SLC12A6: variants seen among roughly 807,000 people sequenced by gnomAD.
The protein encoded by SLC12A6 is solute carrier family 12 member 6, also known as K-Cl cotransporter 3.
SLC12A6 carries 66 observed loss-of-function variants against 135.3 expected under a neutral mutation model. The observed-to-expected ratio is 0.49, with a 90% CI of 0.40 to 0.60. The LOEUF (loss-of-function observed/expected upper bound fraction) is 0.60. Among genes scored for constraint, SLC12A6 ranks in the 20% least tolerant of loss-of-function variants. The pLI, the probability that SLC12A6 is intolerant of heterozygous loss-of-function variation, is 0.00. For synonymous variants in SLC12A6, 513 were observed against 508.8 expected (o/e 1.01, Z -0.11); for missense variants, 1,058 against 1,452.3 (o/e 0.73, Z 4.41).
chr15:34,230,209 T>C lies in SLC12A6; in HGVS notation c.*3672A>G, dbSNP rs182573709. The C allele has an allele frequency of 6.7e-3, 1,157 of 173,460 alleles. 5 individuals carry two copies. Among genetic ancestry groups the C allele is most frequent in the Non-Finnish European group, 9.8e-3 (802 of 82,242 alleles). 10.7% of individuals were successfully genotyped at this position (173,460 alleles called of 1,614,324 possible). On this transcript the variant is annotated 3_prime_UTR_variant, in exon 26 of 26. Coordinates refer to ENST00000354181, the MANE Select transcript of SLC12A6 (RefSeq NM_001365088.1). ...TATTTCACTTCTATTTAATACAAGC[T>C]GGGACATAAAAATTCTGTTGGGGAT... is the stretch of plus-strand genomic sequence containing the variant.
At position 34,278,173 on chromosome 15, in the gene SLC12A6, T is replaced by C. The variant is rs971099838; in HGVS notation, c.272-2784A>G. Among the ~76,000 whole-genome samples the C allele has an allele frequency of 2.0e-5, 3 of 152,298 alleles. No individual in the cohort carries two copies. In the South Asian group the frequency reaches 6.2e-4, roughly 32 times the overall value. On this transcript the variant is annotated intron_variant, in intron 2 of 25. Transcript: ENST00000354181. ...TGGGCGCAGCGGCTCACGCCTGTAA[T>C]TGCAGCACTTTGGGAGGCCGAGGCG...
In SLC12A6 at chr15:34,233,102, T is replaced by C. The variant is rs971143549; in HGVS notation, c.*779A>G. ...TCAGTAAATGTTAATAGCTTCCTTT[T>C]GGAGTTCTCTTAGTTCGGCCATTTG... is the stretch of plus-strand genomic sequence containing the variant. On this transcript the variant is annotated 3_prime_UTR_variant, in exon 26 of 26. Coordinates refer to ENST00000354181, the MANE Select transcript of SLC12A6 (RefSeq NM_001365088.1). 14 of 152,360 alleles carry C rather than the reference T, an allele frequency of 9.2e-5. No individual in the cohort carries two copies. The highest frequency in any genetic ancestry group is 3.1e-4 in the African/African-American group (13 of 41,568). The allele number at this position is 152,360 out of a possible 1,614,324, so 9.4% of individuals were successfully genotyped here.
At chr15:34,239,548 C>T (rs994912736) in intron 19 of SLC12A6, among the ~76,000 whole-genome samples, 23 of 152,298 alleles carry the variant, frequency 1.5e-4, no homozygotes, top group African/African-American at 4.6e-4. Context: ...CCCAGTCATG[C>T]CCTGACTCAT....
intron 13 of SLC12A6, among the ~76,000 whole-genome samples, chr15:34,248,824 T>A (rs1474710119): frequency 1.3e-5 from 2 of 152,130 alleles, no homozygotes; most frequent in African/African-American, 4.8e-5. Flanking sequence ...GGGAAAGCTT[T>A]ACAGGAGAGA....
intron 2 of SLC12A6, chr15:34,314,880 C>T (rs1595558883): frequency 6.6e-6 from 1 of 151,854 alleles, no homozygotes; most frequent in Middle Eastern, 3.5e-3. Context: ...AGATCCTAGC[C>T]CTCATGGATG....
chr15:34,229,940 G>T lies in SLC12A6; in HGVS notation c.*3941C>A, dbSNP rs1424906912. The stretch of plus-strand genomic sequence containing the variant: ...CTCCATGGTGGGGTGACAGGTCCTA[G>T]AAGGACAATGTGCATATTACGACAA... On this transcript the variant is annotated 3_prime_UTR_variant, in exon 26 of 26. Coordinates refer to ENST00000354181, the MANE Select transcript of SLC12A6 (RefSeq NM_001365088.1). 4.1e-5 allele frequency: 30 copies of T among 723,476 alleles called. No individual in the cohort carries two copies. The Admixed American group carries it at 5.7e-4, about 14-fold the overall frequency. 44.8% of individuals were successfully genotyped at this position (723,476 alleles called of 1,614,324 possible).
At chr15:34,320,790 G>C (rs750240028) in intron 2 of SLC12A6, among the ~76,000 whole-genome samples, 2 of 142,512 alleles carry the variant, frequency 1.4e-5, no homozygotes, top group Admixed American at 1.4e-4. Flanking sequence ...GGTGGCGGGC[G>C]CCTGTAGTTC....
intron 2 of SLC12A6, among the ~76,000 whole-genome samples, chr15:34,285,702 G>GTACATA (rs1895006353): frequency 1.2e-3 from 1 of 834 alleles, no homozygotes; most frequent in Non-Finnish European, 2.1e-3. Context: ...ATGTGTGTGT[G>GTACATA]TGTGTGTGTG....
intron 4 of SLC12A6, among the ~76,000 whole-genome samples, chr15:34,259,911 G>A (rs561869536): frequency 2.0e-5 from 3 of 152,282 alleles, no homozygotes; most frequent in South Asian, 4.1e-4. Flanking sequence ...GTAATAGAAT[G>A]GTGGTTACCA....
intron 2 of SLC12A6, among the ~76,000 whole-genome samples, chr15:34,292,444 G>T (rs1895602693): frequency 2.0e-5 from 3 of 152,164 alleles, no homozygotes; most frequent in Admixed American, 2.0e-4. Context: ...CTACACAGGG[G>T]TCAGGGAACC....
intron 2 of SLC12A6, among the ~76,000 whole-genome samples, chr15:34,311,668 A>T (rs1016173413): frequency 6.6e-6 from 1 of 152,168 alleles, no homozygotes; most frequent in African/African-American, 2.4e-5. Flanking sequence ...GATTATCACT[A>T]AAAAGGCAAT....
intron 2 of SLC12A6, 104 bp downstream of exon 2, chr15:34,336,306 T>C (rs1890189377): frequency 1.0e-6 from 1 of 964,200 alleles, no homozygotes; most frequent in Non-Finnish European, 1.6e-6. Flanking sequence ...CTGATGACTA[T>C]TATAATCATA....
intron 2 of SLC12A6, among the ~76,000 whole-genome samples, chr15:34,282,205 G>A (rs772223169): frequency 3.9e-5 from 6 of 152,098 alleles, no homozygotes; most frequent in African/African-American, 1.4e-4. Flanking sequence ...AAACGGTTTG[G>A]GGCAGGGATT....
chr15:34,292,350 T>G (rs1259871379), intron 2 of SLC12A6, among the ~76,000 whole-genome samples: 1 of 152,184 alleles, frequency 6.6e-6, no homozygotes, highest in Non-Finnish European at 1.5e-5. Context: ...TGCCTGATCC[T>G]TCCTCTGGAA....
At chr15:34,256,479 A>T (rs1452284630) in intron 6 of SLC12A6, among the ~76,000 whole-genome samples, 196 bp from the exon 7 acceptor site, 1 of 152,176 alleles carries the variant, frequency 6.6e-6, no homozygotes, top group Non-Finnish European at 1.5e-5. Flanking sequence ...TATCTGGAGG[A>T]TTCTGTCAAA....
intron 7 of SLC12A6, among the ~76,000 whole-genome samples, chr15:34,255,668 CA>C (rs1892700934): frequency 1.3e-5 from 2 of 152,124 alleles, no homozygotes; most frequent in African/African-American, 4.8e-5. Context: ...TGACATGAGA[CA>C]GCCCAATAAA....
chr15:34,318,502 AGTT>A, intron 2 of SLC12A6: 1 of 1,305,408 alleles, frequency 7.7e-7, no homozygotes, highest in Admixed American at 1.7e-5. Context: ...TTGATATCCT[AGTT>A]ACTTCTTTCA....
At position 34,240,848 on chromosome 15, in the gene SLC12A6, G is replaced by A; in HGVS notation, c.2268-19C>T. ...CTGAGGCCTGTGAAGAGGTTGGTGG[G>A]GGTTGGAGGGGAGGAGAAAACATTT... On this transcript the variant is annotated intron_variant, in intron 18 of 25. Transcript: ENST00000354181. 1 of 1,602,712 alleles carries A rather than the reference G, an allele frequency of 6.2e-7. No homozygotes were observed. Among genetic ancestry groups the A allele is most frequent in the Admixed American group, 1.7e-5 (1 of 58,076 alleles).
chr15:34,334,341 G>A (rs1890061657), intron 2 of SLC12A6, among the ~76,000 whole-genome samples: 1 of 152,176 alleles, frequency 6.6e-6, no homozygotes, highest in East Asian at 1.9e-4. Context: ...TAGAAAGGAT[G>A]CAGTTGTTAT....
Sources: gnomAD v4.1 joint callset for allele counts (sites outside exome capture counted in the v4.1 genomes callset) on GRCh38, gnomAD v4.1.1 for gene constraint, MANE v1.5 for transcripts, NCBI Gene and HGNC (gene_info 2026-07-23, HGNC 2026-07-21) for gene names.